Variants in TRHDE observed in about 807,000 individuals in gnomAD.
TRHDE encodes thyrotropin releasing hormone degrading enzyme, also known as thyrotropin-releasing hormone-degrading ectoenzyme.
Under a neutral mutation model 125.7 loss-of-function variants are expected in TRHDE, and 72 were observed. The observed-to-expected ratio is 0.57, with a 90% CI of 0.47 to 0.70. The LOEUF is 0.70. Among genes scored for constraint, TRHDE ranks in the 30% least tolerant of loss-of-function variants. The pLI, the probability that TRHDE is intolerant of heterozygous loss-of-function variation, is 0.00. For synonymous variants in TRHDE, 509 were observed against 509.1 expected, an observed-to-expected ratio of 1.00 and a Z score of 0.00; for missense variants, 1,110 against 1,327.1, an observed-to-expected ratio of 0.84 and a Z score of 2.54.
Position 72,656,953 on chromosome 12 carries a change from C to T in TRHDE, c.3011C>T (p.Ser1004Phe), listed in dbSNP as rs1297133350. The T allele has an allele frequency of 1.2e-6, 2 of 1,610,904 alleles. No homozygotes were observed. The highest frequency in any genetic ancestry group is 1.1e-5 in the South Asian group (1 of 90,628). ...TATGGAGAAGCATTGTTTATGAATT[C>T]CAAACTCATCAGTGGTGTCACAGAA... ...TRYGEALFMN[S>F]KLISGVTEFL... Residue 1004 changes from serine (S) to phenylalanine (F), a missense_variant, in exon 18 of 19, where the codon TCC becomes TTC. Coordinates refer to ENST00000261180, the MANE Select transcript of TRHDE (RefSeq NM_013381.3).
At chr12:72,157,662 A>G (rs1052113180) in intron 2 of TRHDE, among the ~76,000 whole-genome samples, 9 of 152,220 alleles carry the variant, frequency 5.9e-5, no homozygotes, top group African/African-American at 9.6e-5. Flanking sequence ...GGGGAAGACC[A>G]TGGAAGAAAA....
intron 15 of TRHDE, among the ~76,000 whole-genome samples, chr12:72,647,552 AAG>A (rs1299981039): frequency 5.3e-5 from 8 of 152,008 alleles, no homozygotes; most frequent in Admixed American, 3.9e-4. Context: ...ATTAATGAAA[AAG>A]AGAGAAGACT....
At chr12:72,227,627 A>C (rs1878160211) in intron 2 of TRHDE, among the ~76,000 whole-genome samples, 1 of 152,098 alleles carries the variant, frequency 6.6e-6, no homozygotes, top group African/African-American at 2.4e-5. Context: ...CAGTCTCCCA[A>C]AGTCTTAACT....
intron 3 of TRHDE, among the ~76,000 whole-genome samples, chr12:72,405,906 T>C (rs1873245173): frequency 6.6e-6 from 1 of 152,164 alleles, no homozygotes; most frequent in Admixed American, 6.5e-5. Flanking sequence ...GCACAAACCT[T>C]TGCTTTGTAG....
At chr12:72,644,648 A>T (rs1452155001) in intron 15 of TRHDE, among the ~76,000 whole-genome samples, 2 of 152,198 alleles carry the variant, frequency 1.3e-5, no homozygotes, top group Non-Finnish European at 2.9e-5. Flanking sequence ...CAGAGATAGG[A>T]GTTTGGACTA....
intron 12 of TRHDE, among the ~76,000 whole-genome samples, chr12:72,616,237 C>T (rs1423050568): frequency 6.6e-6 from 1 of 151,988 alleles, no homozygotes; most frequent in Non-Finnish European, 1.5e-5. Context: ...CTTATAAAAC[C>T]TAGATCCATG....
chr12:72,480,284 G>A (rs979343493), intron 5 of TRHDE, among the ~76,000 whole-genome samples: 1 of 150,442 alleles, frequency 6.6e-6, no homozygotes, highest in Non-Finnish European at 1.5e-5. Context: ...CACCAACAGT[G>A]TAAAAGTGTT....
chr12:72,190,145 CCAT>C (rs1255578846), intron 2 of TRHDE, among the ~76,000 whole-genome samples: 2 of 152,150 alleles, frequency 1.3e-5, no homozygotes, highest in Non-Finnish European at 2.9e-5. Flanking sequence ...TAGCAGCACT[CCAT>C]CATCAGGTAG....
intron 12 of TRHDE, among the ~76,000 whole-genome samples, chr12:72,578,819 T>A (rs565527485): frequency 1.6e-4 from 24 of 152,326 alleles, no homozygotes; most frequent in African/African-American, 5.5e-4. Flanking sequence ...TATATAAATT[T>A]GCCTGAATGC....
Position 72,372,103 on chromosome 12 carries a change from A to C in TRHDE, c.1189-5892A>C, listed in dbSNP as rs946397815. Among the ~76,000 whole-genome samples the C allele has an allele frequency of 4.7e-4, 72 of 152,182 alleles. 1 individual carries two copies. Among genetic ancestry groups the C allele is most frequent in the Admixed American group, 2.5e-3 (38 of 15,296 alleles). On this transcript the variant is annotated intron_variant, in intron 2 of 18. Transcript: ENST00000261180. ...GCCATTCTAACTGGTGTGAGATGGCATCTCATTGTGGTTTTGATTTGCATT... is the reference window on the plus strand; with the variant it reads ...GCCATTCTAACTGGTGTGAGATGGCCTCTCATTGTGGTTTTGATTTGCATT...
At chr12:72,257,230 C>A (rs1389250758) in intron 2 of TRHDE, 1 of 152,102 alleles carries the variant, frequency 6.6e-6, no homozygotes, top group Non-Finnish European at 1.5e-5. Context: ...TATTTCAATG[C>A]CAACATGATG....
At chr12:72,164,974 G>A (rs1876713145) in intron 2 of TRHDE, among the ~76,000 whole-genome samples, 2 of 152,248 alleles carry the variant, frequency 1.3e-5, no homozygotes, top group Middle Eastern at 6.8e-3. Context: ...GCTATCAGGT[G>A]CATTTACCCT....
intron 15 of TRHDE, among the ~76,000 whole-genome samples, chr12:72,635,520 G>A (rs1029055908): frequency 3.3e-5 from 5 of 152,166 alleles, no homozygotes; most frequent in African/African-American, 1.2e-4. Context: ...GATCCCATTT[G>A]TCAATTGTGG....
chr12:72,119,406 T>A (rs571149352), intron 2 of TRHDE, among the ~76,000 whole-genome samples: 16 of 152,320 alleles, frequency 1.1e-4, no homozygotes, highest in African/African-American at 3.8e-4. Flanking sequence ...GAAGATGCTT[T>A]ATACTATTTG....
chr12:72,280,768 G>T (rs1037997844), intron 1 of TRHDE, among the ~76,000 whole-genome samples: 1 of 152,094 alleles, frequency 6.6e-6, no homozygotes. Context: ...AGTCAGAAGG[G>T]TACCAGTACA....
intron 2 of TRHDE, among the ~76,000 whole-genome samples, chr12:72,287,233 C>G (rs993015091): frequency 6.6e-6 from 1 of 152,144 alleles, no homozygotes; most frequent in Non-Finnish European, 1.5e-5. Flanking sequence ...TATTGTACAT[C>G]TCTGGAACAG....
chr12:72,590,385 C>A (rs1249638924), intron 12 of TRHDE, among the ~76,000 whole-genome samples: 1 of 151,850 alleles, frequency 6.6e-6, no homozygotes, highest in African/African-American at 2.4e-5. Flanking sequence ...TTCAGAATTA[C>A]GTATTTGTTG....
intron 2 of TRHDE, among the ~76,000 whole-genome samples, chr12:72,187,308 ACAACAC>A (rs1307171842): frequency 2.3e-4 from 30 of 132,686 alleles, no homozygotes; most frequent in African/African-American, 9.1e-4. Context: ...TCAGAGAAAC[ACAACAC>A]ACACACACAC....
chr12:72,138,129 C>T (rs1005073931), intron 2 of TRHDE, among the ~76,000 whole-genome samples: 3 of 152,170 alleles, frequency 2.0e-5, no homozygotes, highest in Non-Finnish European at 4.4e-5. Context: ...GTAATCCCAG[C>T]ACTTTGGGAG....
Sources: allele counts gnomAD v4.1 joint callset (sites outside exome capture counted in the v4.1 genomes callset), GRCh38; gene constraint gnomAD v4.1.1; transcripts MANE v1.5; gene names NCBI Gene and HGNC (gene_info 2026-07-23, HGNC 2026-07-21).